DPYD: variants seen among roughly 807,000 people sequenced by gnomAD.
The protein encoded by DPYD is dihydropyrimidine dehydrogenase.
A neutral mutation model predicts 116.2 loss-of-function variants in DPYD; 109 were observed. The observed-to-expected ratio is 0.94, with a 90% CI of 0.80 to 1.10. The LOEUF (loss-of-function observed/expected upper bound fraction) is 1.10. DPYD is among the 50% of genes least tolerant of loss of function. The pLI is 0.00. For synonymous variants in DPYD, 440 were observed against 432.0 expected, an observed-to-expected ratio of 1.02 and a Z score of -0.23; for missense variants, 1,302 against 1,254.5, an observed-to-expected ratio of 1.04 and a Z score of -0.57.
In DPYD at chr1:97,916,770, G is replaced by T. The variant is rs184106259; in HGVS notation, c.39+4114C>A. ...CTTTAAACTGCCCACAACTTTGGTG[G>T]GCCAAGCTGAAAGGTTCGCTTGAGC... On this transcript the variant is annotated intron_variant, in intron 1 of 22. Coordinates refer to ENST00000370192, the MANE Select transcript of DPYD (RefSeq NM_000110.4). 1.3e-3 allele frequency among the ~76,000 whole-genome samples: 201 copies of T among 152,160 alleles called. 1 individual carries two copies. Among genetic ancestry groups the T allele is most frequent in the Non-Finnish European group, 2.1e-3 (144 of 67,994 alleles).
At chr1:97,175,825 A>G (rs1347909799) in intron 20 of DPYD, among the ~76,000 whole-genome samples, 1 of 152,200 alleles carries the variant, frequency 6.6e-6, no homozygotes, top group African/African-American at 2.4e-5. Flanking sequence ...ATTTCATATA[A>G]TTTAGGCTAC....
At chr1:97,732,283 T>C (rs1263583187) in intron 4 of DPYD, among the ~76,000 whole-genome samples, 2 of 152,030 alleles carry the variant, frequency 1.3e-5, no homozygotes, top group South Asian at 2.1e-4. Flanking sequence ...GAGACCATCC[T>C]AGCTAACACG....
At chr1:97,619,959 G>T (rs575815756) in intron 8 of DPYD, among the ~76,000 whole-genome samples, 1 of 151,502 alleles carries the variant, frequency 6.6e-6, no homozygotes, top group Admixed American at 6.6e-5. Context: ...ATACAAAAAA[G>T]CTGAAAGCTG....
intron 12 of DPYD, 36 bp downstream of exon 12, chr1:97,549,524 G>A (rs961216996): frequency 6.2e-6 from 10 of 1,607,116 alleles, no homozygotes; most frequent in Admixed American, 1.7e-5. Flanking sequence ...TTATCCATTG[G>A]AAAAGAATTA....
chr1:97,744,465 A>G (rs533383528), intron 3 of DPYD, among the ~76,000 whole-genome samples: 2 of 152,146 alleles, frequency 1.3e-5, no homozygotes, highest in South Asian at 2.1e-4. Flanking sequence ...ATAAAAAAAC[A>G]CATACACACA....
intron 16 of DPYD, among the ~76,000 whole-genome samples, chr1:97,329,929 A>T (rs895093281): frequency 6.6e-6 from 1 of 151,220 alleles, no homozygotes; most frequent in Non-Finnish European, 1.5e-5. Flanking sequence ...AAATATTTTG[A>T]TATCTTATTT....
intron 16 of DPYD, among the ~76,000 whole-genome samples, chr1:97,348,569 C>T (rs542301313): frequency 4.0e-4 from 61 of 152,262 alleles, no homozygotes; most frequent in African/African-American, 1.4e-3. Context: ...AGAACTATTC[C>T]TTTTTCCTGA....
At chr1:97,159,160 A>G (rs952177685) in intron 20 of DPYD, among the ~76,000 whole-genome samples, 1 of 152,124 alleles carries the variant, frequency 6.6e-6, no homozygotes, top group African/African-American at 2.4e-5. Flanking sequence ...AGTTATTATA[A>G]CTGTGCTCAG....
intron 8 of DPYD, among the ~76,000 whole-genome samples, chr1:97,663,640 C>G (rs939258510): frequency 6.6e-6 from 1 of 152,188 alleles, no homozygotes; most frequent in Admixed American, 6.5e-5. Context: ...CCTCTCACAT[C>G]AAAATCCTTC....
intron 18 of DPYD, among the ~76,000 whole-genome samples, chr1:97,248,050 A>C (rs2100798565): frequency 6.6e-6 from 1 of 152,352 alleles, no homozygotes; most frequent in African/African-American, 2.4e-5. Flanking sequence ...TGACAAATAA[A>C]CTAAAGGAAA....
At chr1:97,390,933 T>C (rs1022292133) in intron 14 of DPYD, among the ~76,000 whole-genome samples, 1 of 151,898 alleles carries the variant, frequency 6.6e-6, no homozygotes, top group Non-Finnish European at 1.5e-5. Context: ...ATATATTATA[T>C]ACTTTTCAGC....
chr1:97,252,200 C>T (rs2100814874), intron 18 of DPYD, among the ~76,000 whole-genome samples: 1 of 152,214 alleles, frequency 6.6e-6, no homozygotes, highest in Non-Finnish European at 1.5e-5. Context: ...AAATTTCAGG[C>T]TCTTGTCAAA....
At chr1:97,776,318 C>G (rs941010102) in intron 3 of DPYD, among the ~76,000 whole-genome samples, 2 of 152,050 alleles carry the variant, frequency 1.3e-5, no homozygotes, top group African/African-American at 4.8e-5. Flanking sequence ...GCTCCTTTTT[C>G]AAAGAAGTCA....
chr1:97,485,479 G>C (rs1678578719), intron 13 of DPYD, among the ~76,000 whole-genome samples: 1 of 152,172 alleles, frequency 6.6e-6, no homozygotes, highest in Non-Finnish European at 1.5e-5. Flanking sequence ...TGGGATTACA[G>C]GTGTGAGCCA....
chr1:97,781,098 C>T (rs1283424618), intron 3 of DPYD, among the ~76,000 whole-genome samples: 1 of 152,152 alleles, frequency 6.6e-6, no homozygotes, highest in East Asian at 1.9e-4. Context: ...CTGTATTACT[C>T]ATGATACAGC....
intron 20 of DPYD, among the ~76,000 whole-genome samples, chr1:97,159,890 C>G (rs984585362): frequency 2.2e-4 from 33 of 151,828 alleles, no homozygotes; most frequent in African/African-American, 7.2e-4. Context: ...TAAATAAATC[C>G]TATGATTTCA....
chr1:97,795,460 A>G (rs1667520666), intron 3 of DPYD, among the ~76,000 whole-genome samples: 1 of 152,058 alleles, frequency 6.6e-6, no homozygotes, highest in Non-Finnish European at 1.5e-5. Context: ...CTATATGCTG[A>G]TCTTGCTAAC....
intron 20 of DPYD, among the ~76,000 whole-genome samples, chr1:97,167,058 A>T (rs1036529434): frequency 6.6e-6 from 1 of 152,166 alleles, no homozygotes. Context: ...TAGATTTATA[A>T]AAAATATGAG....
intron 14 of DPYD, among the ~76,000 whole-genome samples, chr1:97,405,088 C>T (rs998490957): frequency 1.3e-5 from 2 of 151,830 alleles, no homozygotes; most frequent in African/African-American, 2.4e-5. Context: ...TCATATCCTC[C>T]CTCCTGTCCA....
Sources: gnomAD v4.1 joint callset for allele counts (sites outside exome capture counted in the v4.1 genomes callset) on GRCh38, gnomAD v4.1.1 for gene constraint, MANE v1.5 for transcripts, NCBI Gene and HGNC (gene_info 2026-07-23, HGNC 2026-07-21) for gene names.